IQGAP2: variants seen among roughly 807,000 people sequenced by gnomAD.
IQGAP2 encodes the protein ras GTPase-activating-like protein IQGAP2.
A neutral mutation model predicts 201.3 loss-of-function variants in IQGAP2; 173 were observed. That is an observed-to-expected ratio of 0.86 (90% CI 0.76 to 0.98). The LOEUF is 0.98. Ranked by LOEUF, IQGAP2 falls within the 50% of genes least tolerant of loss-of-function variation. The probability of loss-of-function intolerance (pLI) is 0.00; values close to 1 mark genes in which losing one functional copy is unlikely to be tolerated. For missense variants in IQGAP2, 1,687 were observed against 1,864.8 expected, an observed-to-expected ratio of 0.90 and a Z score of 1.76; for synonymous variants, 675 against 673.9, an observed-to-expected ratio of 1.00 and a Z score of -0.03.
At chr5:76,447,656 CTTGG>C (rs563104888) in intron 1 of IQGAP2, among the ~76,000 whole-genome samples, 24 of 152,218 alleles carry the variant, frequency 1.6e-4, no homozygotes, top group African/African-American at 5.3e-4. Flanking sequence ...GGGGTGGGTG[CTTGG>C]TTGGTTAAAC....
chr5:76,431,866 C>G (rs1196688041), intron 1 of IQGAP2, among the ~76,000 whole-genome samples: 1 of 149,466 alleles, frequency 6.7e-6, no homozygotes, highest in African/African-American at 2.5e-5. Context: ...TTTTGTTCCT[C>G]TTACTGCTCA....
intron 21 of IQGAP2, 67 bp from the exon 22 acceptor site, chr5:76,664,959 A>G: frequency 1.1e-6 from 1 of 885,950 alleles, no homozygotes; most frequent in Admixed American, 2.1e-5. Flanking sequence ...TTTCAATCCT[A>G]TATGTGAAGG....
chr5:76,471,116 C>T (rs1037440639), intron 2 of IQGAP2, among the ~76,000 whole-genome samples: 44 of 152,090 alleles, frequency 2.9e-4, no homozygotes, highest in Non-Finnish European at 6.0e-4. Flanking sequence ...TGGATAAACT[C>T]TAGGTTGAGG....
At chr5:76,569,384 C>T (rs1744956586) in intron 3 of IQGAP2, among the ~76,000 whole-genome samples, 1 of 151,832 alleles carries the variant, frequency 6.6e-6, no homozygotes, top group African/African-American at 2.4e-5. Context: ...AGGACATTTC[C>T]ATTATTCCCA....
chr5:76,586,132 T>C (rs1746228492), intron 5 of IQGAP2, among the ~76,000 whole-genome samples: 1 of 152,220 alleles, frequency 6.6e-6, no homozygotes, highest in Non-Finnish European at 1.5e-5. Context: ...CTTCAGAGGC[T>C]GTGTAAAGTA....
intron 13 of IQGAP2, chr5:76,616,595 T>TA (rs1748994135): frequency 6.5e-6 from 1 of 152,878 alleles, no homozygotes; most frequent in Non-Finnish European, 1.5e-5. Context: ...CTCATGCCTG[T>TA]AGTCCCAGCA....
chr5:76,548,331 C>T (rs1208316384), intron 2 of IQGAP2, among the ~76,000 whole-genome samples: 4 of 152,202 alleles, frequency 2.6e-5, no homozygotes, highest in African/African-American at 9.7e-5. Context: ...GCCTCTTCAG[C>T]CAGTCCTGAA....
At chr5:76,640,040 T>C (rs779739879) in intron 16 of IQGAP2, among the ~76,000 whole-genome samples, 1 of 152,234 alleles carries the variant, frequency 6.6e-6, no homozygotes, top group Non-Finnish European at 1.5e-5. Context: ...CTTTTTGTTA[T>C]ATCAAGCATC....
At chr5:76,450,987 C>T (rs566127428) in intron 1 of IQGAP2, among the ~76,000 whole-genome samples, 2 of 152,202 alleles carry the variant, frequency 1.3e-5, no homozygotes, top group African/African-American at 4.8e-5. Context: ...TAATAGCACC[C>T]ATCTGTTCAA....
intron 2 of IQGAP2, among the ~76,000 whole-genome samples, chr5:76,527,093 A>G (rs1435639053): frequency 6.6e-6 from 1 of 152,138 alleles, no homozygotes; most frequent in Admixed American, 6.5e-5. Context: ...CATGGCTAAC[A>G]CCCCATTTAA....
At chr5:76,499,089 G>T (rs1757140613) in intron 2 of IQGAP2, among the ~76,000 whole-genome samples, 2 of 152,218 alleles carry the variant, frequency 1.3e-5, no homozygotes, top group African/African-American at 4.8e-5. Flanking sequence ...TGACATCAAG[G>T]ATTTGAATTC....
At chr5:76,627,106 C>G (rs990083033) in intron 13 of IQGAP2, among the ~76,000 whole-genome samples, 2 of 152,018 alleles carry the variant, frequency 1.3e-5, no homozygotes, top group African/African-American at 2.4e-5. Flanking sequence ...TCCTCTGGGC[C>G]CTCTGTAGAG....
intron 2 of IQGAP2, among the ~76,000 whole-genome samples, chr5:76,539,998 G>A (rs775035001): frequency 1.3e-5 from 2 of 152,166 alleles, no homozygotes; most frequent in Non-Finnish European, 2.9e-5. Context: ...GGCTTAAAAT[G>A]TATTTCACCT....
intron 1 of IQGAP2, among the ~76,000 whole-genome samples, chr5:76,444,247 T>C (rs748532823): frequency 6.6e-6 from 1 of 152,104 alleles, no homozygotes; most frequent in East Asian, 1.9e-4. Context: ...ATTAAAATAA[T>C]AGAAAGAGAA....
Position 76,611,817 on chromosome 5 carries a change from C to T in IQGAP2, c.1521+634C>T, listed in dbSNP as rs546337127. On this transcript the variant is annotated intron_variant, in intron 13 of 35. Transcript: ENST00000274364. ...TAAGGAGCCCCACAAAGACTGGCCT[C>T]TGTGATAAGGCCAATGGGCTGAGTG... 3.9e-5 allele frequency among the ~76,000 whole-genome samples: 6 copies of T among 152,260 alleles called. No individual in the cohort carries two copies. The East Asian group carries it at 1.2e-3, about 29-fold the overall frequency.
At chr5:76,453,879 A>G (rs1201382882) in intron 1 of IQGAP2, among the ~76,000 whole-genome samples, 1 of 152,206 alleles carries the variant, frequency 6.6e-6, no homozygotes, top group Non-Finnish European at 1.5e-5. Flanking sequence ...TCTTCTAAAT[A>G]TAGTAGAAGC....
intron 1 of IQGAP2, among the ~76,000 whole-genome samples, chr5:76,441,732 C>T (rs930443468): frequency 6.6e-6 from 1 of 152,154 alleles, no homozygotes; most frequent in African/African-American, 2.4e-5. Context: ...ACTCTTGCAT[C>T]AGGCATGTAA....
At position 76,438,008 on chromosome 5, in the gene IQGAP2, G is replaced by GT. The variant is rs768892670; in HGVS notation, c.47-23540dup. ...TATTCATCAGGTATATTGGTCTGTA[G>GT]TTTTTTTTTTTTTTTTTTTTTTGTT... On this transcript the variant is annotated intron_variant, in intron 1 of 35. Coordinates refer to ENST00000274364, the MANE Select transcript of IQGAP2 (RefSeq NM_006633.5). Among the ~76,000 whole-genome samples, 223 of 90,934 alleles carry GT rather than the reference G, an allele frequency of 2.5e-3. 3 individuals are homozygous for GT. Among genetic ancestry groups the GT allele is most frequent in the African/African-American group, 6.9e-3 (187 of 27,080 alleles). The allele number at this position is 90,934 out of a possible 152,430, so 59.7% of individuals were successfully genotyped here.
chr5:76,518,912 A>G (rs1411874830), intron 2 of IQGAP2, among the ~76,000 whole-genome samples: 3 of 152,196 alleles, frequency 2.0e-5, no homozygotes, highest in Admixed American at 1.3e-4. Context: ...TGGCTTGTGC[A>G]TGCTTAAAAC....
Sources: gnomAD v4.1 joint callset for allele counts (sites outside exome capture counted in the v4.1 genomes callset) on GRCh38, gnomAD v4.1.1 for gene constraint, MANE v1.5 for transcripts, NCBI Gene and HGNC (gene_info 2026-07-23, HGNC 2026-07-21) for gene names.